Variants in CEP112 observed in about 807,000 individuals in gnomAD.
The protein encoded by CEP112 is centrosomal protein 112, also known as centrosomal protein of 112 kDa.
A neutral mutation model predicts 153.0 loss-of-function variants in CEP112; 127 were observed. The ratio of observed to expected loss-of-function variants is 0.83; its 90% confidence interval spans 0.72 to 0.96. The LOEUF (loss-of-function observed/expected upper bound fraction) is 0.96. Among genes scored for constraint, CEP112 ranks in the 40% least tolerant of loss-of-function variants. The pLI is 0.00. For missense variants in CEP112, 1,089 were observed against 1,101.2 expected, an observed-to-expected ratio of 0.99 and a Z score of 0.16; for synonymous variants, 358 against 374.4, an observed-to-expected ratio of 0.96 and a Z score of 0.51.
intron 21 of CEP112, among the ~76,000 whole-genome samples, chr17:65,837,685 G>A (rs909767279): frequency 1.3e-5 from 2 of 152,256 alleles, no homozygotes; most frequent in Non-Finnish European, 2.9e-5. Flanking sequence ...AGATCAGATT[G>A]TTACTGTGTC....
At position 65,689,116 on chromosome 17, in the gene CEP112, A is replaced by C. The variant is rs778687905; in HGVS notation, c.2697+13T>G. ...AAGTAAACAAGAGAGTCAAATAGTA[A>C]AGGAGAGGGTACCTGTTCCTGTGAC... On this transcript the variant is annotated intron_variant, in intron 24 of 26. Transcript: ENST00000535342. 6.3e-7 allele frequency: 1 copy of C among 1,577,714 alleles called. No homozygotes were observed. Among genetic ancestry groups the C allele is most frequent in the Non-Finnish European group, 8.7e-7 (1 of 1,147,082 alleles).
intron 12 of CEP112, among the ~76,000 whole-genome samples, chr17:66,037,225 G>C (rs947476001): frequency 1.3e-5 from 2 of 152,154 alleles, no homozygotes; most frequent in Non-Finnish European, 2.9e-5. Flanking sequence ...AGTTAGCTTA[G>C]ATTAATAAAG....
At chr17:65,668,741 C>T (rs1016493188) in intron 24 of CEP112, among the ~76,000 whole-genome samples, 2 of 152,216 alleles carry the variant, frequency 1.3e-5, no homozygotes, top group Non-Finnish European at 2.9e-5. Flanking sequence ...TTTCTATTCT[C>T]TCAACTCAGT....
At chr17:66,091,965 T>A (rs1421251020) in intron 8 of CEP112, among the ~76,000 whole-genome samples, 1 of 151,530 alleles carries the variant, frequency 6.6e-6, no homozygotes, top group Non-Finnish European at 1.5e-5. Context: ...GAACGTATGA[T>A]GACTGAATCA....
chr17:65,786,572 C>CTTTTTTTT (rs1195368604), intron 21 of CEP112, among the ~76,000 whole-genome samples: 13 of 101,630 alleles, frequency 1.3e-4, no homozygotes, highest in East Asian at 2.9e-4. Context: ...TTAGCCAATT[C>CTTTTTTTT]TTTTTTTTTT....
At chr17:65,710,872 C>T (rs1824031259) in intron 23 of CEP112, among the ~76,000 whole-genome samples, 2 of 152,168 alleles carry the variant, frequency 1.3e-5, no homozygotes, top group Admixed American at 1.3e-4. Context: ...GAGCTGGGCT[C>T]CAAAGTGGCA....
chr17:65,961,476 T>G lies in CEP112; in HGVS notation c.1859A>C (p.Glu620Ala). The G allele has an allele frequency of 6.2e-7, 1 of 1,607,334 alleles. No homozygotes were observed. The highest frequency in any genetic ancestry group is 8.5e-7 in the Non-Finnish European group (1 of 1,174,710). ...VELNSEKVYA[E>A]MKEQMEKVEA... ...CAGCCTCCTTACCTGCTCTTTCATTTCAGCATAGACTTTCTCTGAGTTCAG... is the reference window on the plus strand; with the variant it reads ...CAGCCTCCTTACCTGCTCTTTCATTGCAGCATAGACTTTCTCTGAGTTCAG... The change falls in exon 18 of 27, where the codon GAA (glutamate) becomes GCA (alanine). Residue 620 changes from glutamate (E) to alanine (A), a missense_variant. Glu to Ala is a moderately radical substitution (Grantham distance 107). Transcript: ENST00000535342.
chr17:65,668,971 T>C (rs1401906948), intron 24 of CEP112, among the ~76,000 whole-genome samples: 2 of 152,214 alleles, frequency 1.3e-5, no homozygotes, highest in African/African-American at 4.8e-5. Context: ...GCTAACTTTC[T>C]TTTGGTAAAA....
At chr17:65,667,622 A>C (rs2046763266) in intron 24 of CEP112, among the ~76,000 whole-genome samples, 1 of 152,114 alleles carries the variant, frequency 6.6e-6, no homozygotes, top group Admixed American at 6.5e-5. Context: ...GAGGCTAAAA[A>C]TTAGAAGCAA....
chr17:65,964,537 C>T (rs949297042), intron 17 of CEP112, among the ~76,000 whole-genome samples: 1 of 152,304 alleles, frequency 6.6e-6, no homozygotes, highest in Non-Finnish European at 1.5e-5. Flanking sequence ...ATGGGAACAA[C>T]ATAAAGTCAT....
At chr17:65,785,955 T>TA (rs1294521069) in intron 21 of CEP112, among the ~76,000 whole-genome samples, 1 of 152,196 alleles carries the variant, frequency 6.6e-6, no homozygotes, top group East Asian at 1.9e-4. Context: ...CAATTTATAC[T>TA]AAAAAAGGCA....
rs371265873 is a variant in CEP112, at chr17:65,719,237, T to A, written c.2607+23831A>T. On this transcript the variant is annotated intron_variant, in intron 23 of 26. Coordinates refer to ENST00000535342, the MANE Select transcript of CEP112 (RefSeq NM_001199165.4). ...CAGCACCCAGTCCGTTGCATCTGGC[T>A]CTACTACAGCAGGAGAACCAAAGGG... Among the ~76,000 whole-genome samples the A allele has an allele frequency of 7.9e-5, 12 of 152,262 alleles. No individual in the cohort carries two copies. In the South Asian group the frequency reaches 1.2e-3, roughly 16 times the overall value.
intron 23 of CEP112, among the ~76,000 whole-genome samples, chr17:65,699,772 G>A (rs541109024): frequency 3.3e-5 from 5 of 152,168 alleles, no homozygotes; most frequent in Admixed American, 2.0e-4. Context: ...GAACTACAGA[G>A]GCGCACCACT....
intron 21 of CEP112, among the ~76,000 whole-genome samples, chr17:65,826,826 C>T (rs2146076033): frequency 6.6e-6 from 1 of 152,290 alleles, no homozygotes; most frequent in Middle Eastern, 3.4e-3. Context: ...ATGATTAATA[C>T]TGAGTGTCAA....
intron 16 of CEP112, among the ~76,000 whole-genome samples, chr17:66,008,439 A>T (rs751297973): frequency 2.0e-5 from 3 of 152,032 alleles, no homozygotes; most frequent in Non-Finnish European, 4.4e-5. Flanking sequence ...CTGTAACCTC[A>T]AACTCCTGAA....
At chr17:66,137,296 G>A (rs1345739115) in intron 4 of CEP112, among the ~76,000 whole-genome samples, 1 of 151,998 alleles carries the variant, frequency 6.6e-6, no homozygotes, top group African/African-American at 2.4e-5. Context: ...CATTCCACAA[G>A]AGCAAAAATG....
intron 19 of CEP112, among the ~76,000 whole-genome samples, chr17:65,920,358 ACAAAATATATAT>A (rs1158694270): frequency 3.6e-4 from 20 of 56,224 alleles, no homozygotes; most frequent in South Asian, 1.7e-3. Context: ...AAACAAACAA[ACAAAATATATAT>A]ATATATATAT....
chr17:65,654,799 A>G (rs1598210803), intron 24 of CEP112: 10 of 380,294 alleles, frequency 2.6e-5, no homozygotes, highest in South Asian at 2.0e-4. Flanking sequence ...ACATAGTCAA[A>G]GGCCAGAAAA....
intron 21 of CEP112, among the ~76,000 whole-genome samples, chr17:65,833,009 C>T (rs910513265): frequency 2.6e-5 from 4 of 152,128 alleles, no homozygotes; most frequent in Admixed American, 6.5e-5. Flanking sequence ...TAATCCACCA[C>T]GATCAAGTAG....
Sources: allele counts gnomAD v4.1 joint callset (sites outside exome capture counted in the v4.1 genomes callset), GRCh38; gene constraint gnomAD v4.1.1; transcripts MANE v1.5; gene names NCBI Gene and HGNC (gene_info 2026-07-23, HGNC 2026-07-21).